ZIM2: variants seen among roughly 807,000 people sequenced by gnomAD.
The protein encoded by ZIM2 is zinc finger imprinted 2, also known as zinc finger protein 656.
A neutral mutation model predicts 38.6 loss-of-function variants in ZIM2; 14 were observed. The ratio of observed to expected loss-of-function variants is 0.36; its 90% CI spans 0.24 to 0.57. ZIM2 has a LOEUF of 0.57. ZIM2 is among the 20% of genes least tolerant of loss of function. The pLI, the probability that ZIM2 is intolerant of heterozygous loss-of-function variation, is 0.81. For missense variants in ZIM2, 680 were observed against 695.1 expected (o/e 0.98, Z 0.24); for synonymous variants, 247 against 245.8 (o/e 1.00, Z -0.04).
Position 56,813,266 on chromosome 19 carries a change from A to G in ZIM2, c.490+4480T>C, listed in dbSNP as rs551817716. ...TCTGCAGAGTAAACTGTAACTGTAT[A>G]TCATATAAATCCAAATATATGTGAT... On this transcript the variant is annotated intron_variant, in intron 9 of 12. Transcript: ENST00000629319. 79 of 956,534 alleles carry G rather than the reference A, an allele frequency of 8.3e-5. No individual in the cohort carries two copies. In the African/African-American group the frequency reaches 1.2e-3, roughly 15 times the overall value. 59.3% of individuals were successfully genotyped at this position (956,534 alleles called of 1,614,324 possible). A position where few individuals can be genotyped will look rare whatever the true frequency, so the allele number is the denominator to read the frequency against.
chr19:56,823,704 T>A, intron 4 of ZIM2, 25 bp from the exon 5 acceptor site: 1 of 1,613,760 alleles, frequency 6.2e-7, no homozygotes, highest in South Asian at 1.1e-5. Flanking sequence ...GTCGCCAAGT[T>A]ACTATCTCTG....
chr19:56,804,261 C>A (rs1410030812), intron 9 of ZIM2, among the ~76,000 whole-genome samples: 1 of 152,200 alleles, frequency 6.6e-6, no homozygotes, highest in Non-Finnish European at 1.5e-5. Flanking sequence ...TCACTGACAC[C>A]TTTTCAGGGT....
intron 9 of ZIM2, chr19:56,798,396 A>G (rs1205351997): frequency 6.6e-6 from 1 of 152,198 alleles, no homozygotes; most frequent in Non-Finnish European, 1.5e-5. Flanking sequence ...TGTTGGGAGA[A>G]CTGGCTAGCC....
intron 10 of ZIM2, among the ~76,000 whole-genome samples, chr19:56,787,284 T>G (rs1245054044): frequency 6.6e-6 from 1 of 152,174 alleles, no homozygotes; most frequent in Non-Finnish European, 1.5e-5. Context: ...TTTGGTTTTG[T>G]TTTTGTTTTT....
chr19:56,799,026 A>T (rs1181346251), intron 9 of ZIM2: 1 of 152,196 alleles, frequency 6.6e-6, no homozygotes, highest in African/African-American at 2.4e-5. Flanking sequence ...AGTATAAATT[A>T]GTTCTACCCT....
chr19:56,782,177 C>T (rs1600717313), intron 10 of ZIM2, 56 bp from the exon 11 acceptor site: 2 of 1,580,442 alleles, frequency 1.3e-6, no homozygotes, highest in African/African-American at 2.7e-5. Context: ...ATGATGCAGG[C>T]ATTCAGACCA....
intron 9 of ZIM2, 103 bp from the exon 10 acceptor site, chr19:56,790,054 GA>G: frequency 1.1e-6 from 1 of 889,728 alleles, no homozygotes. Flanking sequence ...CCATGGGAAG[GA>G]ACAGCAGCTC....
chr19:56,806,902 C>A (rs1049417967), intron 9 of ZIM2, among the ~76,000 whole-genome samples: 3 of 152,186 alleles, frequency 2.0e-5, no homozygotes, highest in African/African-American at 7.2e-5. Flanking sequence ...TTTGCTGGCA[C>A]CTTGATCTTG....
At position 56,779,246 on chromosome 19, in the gene ZIM2, A is replaced by G. The variant is rs150789460; in HGVS notation, c.835+131T>C. On this transcript the variant is annotated intron_variant, in intron 12 of 12. Coordinates refer to ENST00000629319, the MANE Select transcript of ZIM2 (RefSeq NM_001387356.1). ...TGAAGAGATGGGCTTCAGAAAGGAG[A>G]CCAAGGGGAGTACTGAGGAGAAAGG... 1.6e-3 allele frequency: 1,212 copies of G among 767,548 alleles called. 10 individuals carry two copies. The African/African-American group carries it at 0.019, about 12-fold the overall frequency. 47.5% of individuals were successfully genotyped at this position (767,548 alleles called of 1,614,324 possible).
Position 56,774,568 on chromosome 19 carries a change from C to G in ZIM2, c.*120G>C. The stretch of plus-strand genomic sequence containing the variant: ...CAACTTTTTTTTTTTTTTTACCACA[C>G]TTTGATGAATGTTCAAGTTGTTAAC... On this transcript the variant is annotated 3_prime_UTR_variant, in exon 13 of 13. Coordinates refer to ENST00000629319, the MANE Select transcript of ZIM2 (RefSeq NM_001387356.1). The G allele has an allele frequency of 7.4e-7, 1 of 1,359,058 alleles. No homozygotes were observed. Among genetic ancestry groups the G allele is most frequent in the South Asian group, 1.8e-5 (1 of 56,972 alleles). 84.2% of individuals were successfully genotyped at this position (1,359,058 alleles called of 1,614,324 possible). A position where few individuals can be genotyped will look rare whatever the true frequency, so the allele number is the denominator to read the frequency against.
intron 10 of ZIM2, among the ~76,000 whole-genome samples, chr19:56,788,467 A>G (rs1049979581): frequency 2.6e-5 from 4 of 152,180 alleles, no homozygotes; most frequent in Admixed American, 2.6e-4. Flanking sequence ...GAATGTTGAT[A>G]TTGACCTCCA....
intron 5 of ZIM2, 49 bp from the exon 6 acceptor site, chr19:56,822,885 T>A (rs1172444194): frequency 6.3e-7 from 1 of 1,585,328 alleles, no homozygotes. Context: ...TTGACACACC[T>A]GTTTTCCCTG....
At chr19:56,816,749 A>G in intron 9 of ZIM2, 2 of 1,614,000 alleles carry the variant, frequency 1.2e-6, no homozygotes, top group Middle Eastern at 1.7e-4. Context: ...CACACCCTGC[A>G]CTCGTAGAAT....
chr19:56,780,224 G>C (rs1022696947), intron 11 of ZIM2, among the ~76,000 whole-genome samples: 9 of 150,048 alleles, frequency 6.0e-5, no homozygotes. Context: ...TTTTAACTTA[G>C]ATATGCTTAT....
At chr19:56,834,427 C>G (rs998327836) in intron 2 of ZIM2, among the ~76,000 whole-genome samples, 1 of 152,206 alleles carries the variant, frequency 6.6e-6, no homozygotes, top group Non-Finnish European at 1.5e-5. Flanking sequence ...ACCAAGCAAC[C>G]TTCTCATTAT....
chr19:56,811,950 C>T (rs963052932), intron 9 of ZIM2: 9 of 985,278 alleles, frequency 9.1e-6, no homozygotes, highest in Non-Finnish European at 9.6e-6. Flanking sequence ...CTGCTTCTTG[C>T]TCTCAGCTCT....
intron 1 of ZIM2, among the ~76,000 whole-genome samples, chr19:56,839,092 C>T (rs2062608881): frequency 1.3e-5 from 2 of 151,308 alleles, no homozygotes; most frequent in African/African-American, 4.9e-5. Flanking sequence ...CCAACTAGGA[C>T]AGCGCCTGCG....
At chr19:56,778,505 G>A (rs973612676) in intron 12 of ZIM2, among the ~76,000 whole-genome samples, 1 of 152,200 alleles carries the variant, frequency 6.6e-6, no homozygotes, top group African/African-American at 2.4e-5. Flanking sequence ...AGCTGGAAAA[G>A]ATGCTTCCTC....
intron 11 of ZIM2, 58 bp from the exon 12 acceptor site, chr19:56,779,530 A>G: frequency 6.5e-7 from 1 of 1,526,908 alleles, no homozygotes; most frequent in South Asian, 1.1e-5. Context: ...CTTAGGTCCC[A>G]AAGACTCTGG....
Sources: allele counts gnomAD v4.1 joint callset (sites outside exome capture counted in the v4.1 genomes callset), GRCh38; gene constraint gnomAD v4.1.1; transcripts MANE v1.5; gene names NCBI Gene and HGNC (gene_info 2026-07-23, HGNC 2026-07-21).